The following LARGE1 variants were observed in gnomAD, a reference collection of about 807,000 sequenced individuals.
LARGE1 encodes the protein LARGE xylosyl- and glucuronyltransferase 1.
Under a neutral mutation model 87.6 loss-of-function variants are expected in LARGE1, and 43 were observed. That is an observed-to-expected ratio of 0.49 (90% CI 0.38 to 0.63). LARGE1 has a LOEUF of 0.63. Ranked by LOEUF, LARGE1 falls within the 30% of genes least tolerant of loss-of-function variation. The pLI is 0.00. For missense variants in LARGE1, 802 were observed against 1,000.2 expected (o/e 0.80, Z 2.67); for synonymous variants, 434 against 394.6 (o/e 1.10, Z -1.18).
chr22:33,563,599 C>T (rs1414754862), intron 6 of LARGE1, among the ~76,000 whole-genome samples: 3 of 152,166 alleles, frequency 2.0e-5, no homozygotes, highest in Non-Finnish European at 2.9e-5. Flanking sequence ...AGCCAAGACA[C>T]GGGCACTCTG....
chr22:33,733,891 C>T (rs61180141), intron 2 of LARGE1, among the ~76,000 whole-genome samples: 8,340 of 152,152 alleles, frequency 0.055, 762 homozygotes, highest in African/African-American at 0.19. Context: ...ATTTGTTTTC[C>T]AAGGCTACCA....
chr22:33,895,047 C>T (rs921209140), intron 1 of LARGE1, among the ~76,000 whole-genome samples: 6 of 151,796 alleles, frequency 4.0e-5, no homozygotes, highest in African/African-American at 1.5e-4. Flanking sequence ...TGTCATGAGC[C>T]TTATATTGGA....
At chr22:33,264,810 C>G (rs903508147) in intron 11 of LARGE1, among the ~76,000 whole-genome samples, 3 of 151,804 alleles carry the variant, frequency 2.0e-5, no homozygotes, top group Non-Finnish European at 4.4e-5. Flanking sequence ...TCATCTTCAG[C>G]CTGCTGAGTT....
intron 2 of LARGE1, among the ~76,000 whole-genome samples, chr22:33,689,115 C>T (rs962889487): frequency 6.6e-6 from 1 of 150,844 alleles, no homozygotes; most frequent in Non-Finnish European, 1.5e-5. Context: ...TTTAGAAATG[C>T]GTGCTACTGC....
chr22:33,675,218 C>T (rs1349196416), intron 2 of LARGE1, among the ~76,000 whole-genome samples: 3 of 137,208 alleles, frequency 2.2e-5, no homozygotes, highest in Admixed American at 1.7e-4. Context: ...CGCTTGAACC[C>T]GGGAGGCAGA....
intron 14 of LARGE1, 23 bp from the exon 15 acceptor site, chr22:33,274,647 T>C: frequency 6.2e-7 from 1 of 1,610,134 alleles, no homozygotes; most frequent in East Asian, 2.2e-5. Context: ...AAGAGCAGCG[T>C]GAGAACCCGC....
chr22:33,311,414 T>C (rs555730850), intron 11 of LARGE1, among the ~76,000 whole-genome samples: 3 of 152,350 alleles, frequency 2.0e-5, no homozygotes, highest in African/African-American at 7.2e-5. Context: ...ACTAGAAACA[T>C]GTTTGTTCTA....
the LARGE1 span, among the ~76,000 whole-genome samples, chr22:33,156,567 C>G: frequency 5.9e-5 from 9 of 152,098 alleles, no homozygotes; most frequent in Non-Finnish European, 1.2e-4. Context: ...TGCCTGTAAC[C>G]CCATTGTATC....
intron 6 of LARGE1, among the ~76,000 whole-genome samples, chr22:33,473,442 C>T (rs898569366): frequency 3.9e-5 from 6 of 152,156 alleles, no homozygotes; most frequent in South Asian, 2.1e-4. Flanking sequence ...TTCTGCCTCC[C>T]GGGTTCAAGT....
At chr22:33,432,759 T>A (rs1292285956) in intron 6 of LARGE1, among the ~76,000 whole-genome samples, 1 of 152,204 alleles carries the variant, frequency 6.6e-6, no homozygotes, top group Non-Finnish European at 1.5e-5. Context: ...GGAGGAGGGA[T>A]TACCCTTGTT....
chr22:33,642,710 C>CAAAAAAGAAA (rs2080478136), intron 3 of LARGE1, among the ~76,000 whole-genome samples: 1 of 17,344 alleles, frequency 5.8e-5, no homozygotes, highest in African/African-American at 2.6e-4. Context: ...AAATGGAAAG[C>CAAAAAAGAAA]AAAAAAAAAA....
chr22:33,823,274 G>C (rs969547933), intron 1 of LARGE1, among the ~76,000 whole-genome samples: 4 of 152,210 alleles, frequency 2.6e-5, no homozygotes, highest in Admixed American at 6.5e-5. Context: ...GTGTGTGTAT[G>C]TACACATGTA....
At chr22:33,838,062 T>A (rs1469507051) in intron 1 of LARGE1, among the ~76,000 whole-genome samples, 1 of 152,146 alleles carries the variant, frequency 6.6e-6, no homozygotes, top group East Asian at 1.9e-4. Flanking sequence ...AAAACTTAAT[T>A]TATGGACAGT....
intron 6 of LARGE1, among the ~76,000 whole-genome samples, chr22:33,492,741 A>G (rs901307964): frequency 2.0e-5 from 3 of 152,166 alleles, no homozygotes; most frequent in African/African-American, 7.2e-5. Context: ...CACATTTTAA[A>G]TTTTACCTCA....
Position 33,335,574 on chromosome 22 carries a change from A to T in LARGE1, c.1287+2072T>A, listed in dbSNP as rs540281541. Among the ~76,000 whole-genome samples, 638 of 152,350 alleles carry T rather than the reference A, an allele frequency of 4.2e-3. 3 individuals are homozygous for T. Among genetic ancestry groups the T allele is most frequent in the African/African-American group, 0.015 (613 of 41,578 alleles). Reference sequence around the variant, plus strand: ...AACTATAAAAAATAACTATAAAAACAGCAGCAACAACAATAAATCAAAATT... The same window carrying T: ...AACTATAAAAAATAACTATAAAAACTGCAGCAACAACAATAAATCAAAATT... On this transcript the variant is annotated intron_variant, in intron 10 of 14. Transcript: ENST00000397394.
chr22:33,623,805 T>C (rs926296062), intron 4 of LARGE1, among the ~76,000 whole-genome samples: 1 of 146,962 alleles, frequency 6.8e-6, no homozygotes, highest in East Asian at 2.0e-4. Flanking sequence ...CCAAGGTGGG[T>C]GGATCACCTG....
intron 5 of LARGE1, among the ~76,000 whole-genome samples, chr22:33,577,341 C>A (rs1380417320): frequency 6.6e-6 from 1 of 152,106 alleles, no homozygotes; most frequent in Admixed American, 6.5e-5. Context: ...CTAAAATAGC[C>A]ACAAAACAGA....
At chr22:33,390,479 G>A (rs1418419020) in intron 7 of LARGE1, among the ~76,000 whole-genome samples, 1 of 152,118 alleles carries the variant, frequency 6.6e-6, no homozygotes, top group African/African-American at 2.4e-5. Flanking sequence ...TGCTTCCTGT[G>A]CCAGCAGAAC....
rs1056423966 is a variant in LARGE1 at position 33,688,703 on chromosome 22, C to A, written c.107-38035G>T. 2.0e-5 allele frequency among the ~76,000 whole-genome samples: 3 copies of A among 152,238 alleles called. No individual in the cohort carries two copies. The East Asian group carries it at 5.8e-4, about 30-fold the overall frequency. ...AAAGTCATGCACCTTCAGCCTCCTCCCCTGGCCGTATCATCCTTTCTCTCC... is the reference window on the plus strand; with the variant it reads ...AAAGTCATGCACCTTCAGCCTCCTCACCTGGCCGTATCATCCTTTCTCTCC... On this transcript the variant is annotated intron_variant, in intron 2 of 14. Coordinates refer to ENST00000397394, the MANE Select transcript of LARGE1 (RefSeq NM_133642.5).
Sources: allele counts gnomAD v4.1 joint callset (sites outside exome capture counted in the v4.1 genomes callset), GRCh38; gene constraint gnomAD v4.1.1; transcripts MANE v1.5; gene names NCBI Gene and HGNC (gene_info 2026-07-23, HGNC 2026-07-21).